ADAMTSL3: variants seen among roughly 807,000 people sequenced by gnomAD.
The protein encoded by ADAMTSL3 is ADAMTS-like protein 3.
In ADAMTSL3, 128 loss-of-function variants were observed where a neutral mutation model predicts 201.7. The observed-to-expected ratio is 0.63, with a 90% CI of 0.55 to 0.73. The LOEUF (loss-of-function observed/expected upper bound fraction) is 0.73. Ranked by LOEUF, ADAMTSL3 falls within the 30% of genes least tolerant of loss-of-function variation. ADAMTSL3 has a pLI of 0.00. For synonymous variants in ADAMTSL3, 738 were observed against 748.4 expected, an observed-to-expected ratio of 0.99 and a Z score of 0.23; for missense variants, 1,990 against 2,119.6, an observed-to-expected ratio of 0.94 and a Z score of 1.20.
At chr15:83,718,799 C>T (rs2062055792) in intron 3 of ADAMTSL3, among the ~76,000 whole-genome samples, 1 of 151,772 alleles carries the variant, frequency 6.6e-6, no homozygotes, top group South Asian at 2.1e-4. Context: ...AATAATAATA[C>T]TAAAATGCAT....
In ADAMTSL3 at chr15:83,766,962, C is replaced by T. The variant is rs372943638; in HGVS notation, c.190-6561C>T. 2.6e-5 allele frequency among the ~76,000 whole-genome samples: 4 copies of T among 152,014 alleles called. No homozygotes were observed. The East Asian group carries it at 5.8e-4, about 22-fold the overall frequency. On this transcript the variant is annotated intron_variant, in intron 3 of 29. Coordinates refer to ENST00000286744, the MANE Select transcript of ADAMTSL3 (RefSeq NM_207517.3). ...TACAAAAACAGGCCGGACGTGGTGG[C>T]GAGTGCCTGTAATCCCAGCTACTTG...
chr15:83,941,305 A>G (rs182290280), intron 17 of ADAMTSL3, among the ~76,000 whole-genome samples: 6 of 152,090 alleles, frequency 3.9e-5, no homozygotes, highest in Admixed American at 1.3e-4. Flanking sequence ...TAGAAAAGAG[A>G]AAAACTGAGA....
chr15:83,744,075 C>G (rs113261930), intron 3 of ADAMTSL3, among the ~76,000 whole-genome samples: 1 of 152,080 alleles, frequency 6.6e-6, no homozygotes, highest in Non-Finnish European at 1.5e-5. Flanking sequence ...TGGTCTCGAT[C>G]TCCTGACCTC....
chr15:83,811,285 A>ACAAG, intron 5 of ADAMTSL3, among the ~76,000 whole-genome samples: 1 of 152,182 alleles, frequency 6.6e-6, no homozygotes, highest in Non-Finnish European at 1.5e-5. Context: ...TTGGTCTGAC[A>ACAAG]ATTTCCTTGT....
intron 9 of ADAMTSL3, among the ~76,000 whole-genome samples, chr15:83,873,126 G>A (rs1201092747): frequency 1.4e-5 from 2 of 144,294 alleles, no homozygotes; most frequent in Non-Finnish European, 3.0e-5. Context: ...CCAACATGAT[G>A]AAACCTCATC....
At chr15:84,027,194 C>T (rs2068325821) in intron 27 of ADAMTSL3, among the ~76,000 whole-genome samples, 2 of 152,152 alleles carry the variant, frequency 1.3e-5, no homozygotes, top group South Asian at 4.1e-4. Context: ...AGTTTAGGCT[C>T]ACTGGGATGG....
At chr15:83,703,628 C>T (rs918014217) in intron 2 of ADAMTSL3, among the ~76,000 whole-genome samples, 5 of 152,058 alleles carry the variant, frequency 3.3e-5, no homozygotes, top group Admixed American at 3.3e-4. Context: ...GTCGGAAGTG[C>T]CTTTCACCTC....
Position 83,822,528 on chromosome 15 carries a change from G to A in ADAMTSL3, c.600+2481G>A, listed in dbSNP as rs558015158. ...TCACCTCCCAGACGGGGTTGCGGCC[G>A]GGTAGAGGCGCTCCTCACATCCCAG... On this transcript the variant is annotated intron_variant, in intron 6 of 29. Coordinates refer to ENST00000286744, the MANE Select transcript of ADAMTSL3 (RefSeq NM_207517.3). Among the ~76,000 whole-genome samples the A allele has an allele frequency of 5.7e-5, 8 of 141,114 alleles. No homozygotes were observed. The East Asian group carries it at 6.5e-4, about 11-fold the overall frequency. The allele number at this position is 141,114 out of a possible 152,430, so 92.6% of individuals were successfully genotyped here.
intron 8 of ADAMTSL3, chr15:83,862,310 A>G (rs923160099): frequency 1.3e-5 from 2 of 152,238 alleles, no homozygotes; most frequent in African/African-American, 2.4e-5. Context: ...TGCAACACAC[A>G]TAATTGTCAG....
chr15:83,932,192 C>A (rs2142009004), intron 17 of ADAMTSL3, among the ~76,000 whole-genome samples: 1 of 152,294 alleles, frequency 6.6e-6, no homozygotes, highest in East Asian at 1.9e-4. Context: ...ACTATTATTT[C>A]AAGTATGTGA....
chr15:83,925,549 C>T (rs916481081), intron 17 of ADAMTSL3, among the ~76,000 whole-genome samples: 2 of 152,118 alleles, frequency 1.3e-5, no homozygotes, highest in Non-Finnish European at 2.9e-5. Flanking sequence ...ATGCAGATTG[C>T]AGAAGAGACA....
At position 83,775,453 on chromosome 15, in the gene ADAMTSL3, G is replaced by A. The variant is rs144362602; in HGVS notation, c.317+1803G>A. On this transcript the variant is annotated intron_variant, in intron 4 of 29. Transcript: ENST00000286744. ...CTATTGTCATACAACTAAAATGTTC[G>A]CATATTTATTTATTATTTGGTTCAT... Among the ~76,000 whole-genome samples, 1,149 of 151,980 alleles carry A rather than the reference G, an allele frequency of 7.6e-3. 5 individuals carry two copies. Among genetic ancestry groups the A allele is most frequent in the Middle Eastern group, 0.014 (4 of 294 alleles).
chr15:83,996,141 A>G (rs1316896947), intron 23 of ADAMTSL3, among the ~76,000 whole-genome samples: 4 of 152,228 alleles, frequency 2.6e-5, no homozygotes, highest in Admixed American at 6.5e-5. Flanking sequence ...CATAAAATAT[A>G]AGAGATGTCT....
intron 19 of ADAMTSL3, among the ~76,000 whole-genome samples, chr15:83,952,275 CTT>C (rs766413078): frequency 6.6e-6 from 1 of 152,042 alleles, no homozygotes. Flanking sequence ...CAAAATTTCT[CTT>C]GTTATTGATT....
chr15:83,695,191 G>A (rs1197230386), intron 2 of ADAMTSL3, among the ~76,000 whole-genome samples: 1 of 14,494 alleles, frequency 6.9e-5, no homozygotes, highest in Non-Finnish European at 1.4e-4. Flanking sequence ...TGCATGATAT[G>A]TGCATGATAC....
Position 83,809,275 on chromosome 15 carries a change from T to G in ADAMTSL3, c.363+4580T>G, listed in dbSNP as rs547298209. Among the ~76,000 whole-genome samples, 434 of 152,246 alleles carry G rather than the reference T, an allele frequency of 2.9e-3. 3 individuals carry two copies. Among genetic ancestry groups the G allele is most frequent in the Middle Eastern group, 0.01 (3 of 294 alleles). On this transcript the variant is annotated intron_variant, in intron 5 of 29. Coordinates refer to ENST00000286744, the MANE Select transcript of ADAMTSL3 (RefSeq NM_207517.3). ...TAAATATGTGCAATTTGTGGAGCCC[T>G]AAGGAGTTGAAAGAAAACTGAAAAA... is the stretch of plus-strand genomic sequence containing the variant.
chr15:83,885,691 AG>A (rs2065374418), intron 10 of ADAMTSL3, among the ~76,000 whole-genome samples: 1 of 151,454 alleles, frequency 6.6e-6, no homozygotes, highest in South Asian at 2.1e-4. Context: ...GTCCCTACTA[AG>A]TGTTAAGGGG....
In ADAMTSL3 at chr15:83,782,322, C is replaced by A. The variant is rs184639744; in HGVS notation, c.317+8672C>A. ...TGAAACCACATCTCTACTAAAAATACAAAAATTAGCCGGGCATGGTGACGG... is the reference window on the plus strand; with the variant it reads ...TGAAACCACATCTCTACTAAAAATAAAAAAATTAGCCGGGCATGGTGACGG... On this transcript the variant is annotated intron_variant, in intron 4 of 29. Transcript: ENST00000286744. Among the ~76,000 whole-genome samples the A allele has an allele frequency of 6.6e-5, 10 of 152,046 alleles. No individual in the cohort carries two copies. In the East Asian group the frequency reaches 1.9e-3, roughly 29 times the overall value.
At chr15:83,831,481 G>C (rs1270767097) in intron 6 of ADAMTSL3, among the ~76,000 whole-genome samples, 1 of 152,190 alleles carries the variant, frequency 6.6e-6, no homozygotes, top group Admixed American at 6.5e-5. Flanking sequence ...AAAAGCACTG[G>C]AGCAGATGCA....
Sources: allele counts gnomAD v4.1 joint callset (sites outside exome capture counted in the v4.1 genomes callset), GRCh38; gene constraint gnomAD v4.1.1; transcripts MANE v1.5; gene names NCBI Gene and HGNC (gene_info 2026-07-23, HGNC 2026-07-21).